PLAAT2: variants seen among roughly 807,000 people sequenced by gnomAD.
PLAAT2 encodes the protein HRAS like suppressor 2.
Under a neutral mutation model 12.8 loss-of-function variants are expected in PLAAT2, and 12 were observed. That is an observed-to-expected ratio of 0.94 (90% CI 0.60 to 1.52). The LOEUF (loss-of-function observed/expected upper bound fraction) is 1.52, where lower values mean the gene tolerates loss of function less well. PLAAT2 is among the 40% of genes most tolerant of loss of function. The pLI is 0.00. For missense variants in PLAAT2, 166 were observed against 208.1 expected (o/e 0.80, Z 1.24); for synonymous variants, 79 against 86.8 (o/e 0.91, Z 0.50).
intron 2 of PLAAT2, 140 bp downstream of exon 2, chr11:63,559,945 A>G: frequency 1.7e-6 from 1 of 587,420 alleles, no homozygotes; most frequent in Non-Finnish European, 3.0e-6. Flanking sequence ...TACATCTAGC[A>G]GGAAAAAGCA....
At chr11:63,558,919 G>T (rs566846004) in intron 2 of PLAAT2, among the ~76,000 whole-genome samples, 1 of 152,226 alleles carries the variant, frequency 6.6e-6, no homozygotes, top group South Asian at 2.1e-4. Flanking sequence ...ATACCTGAAA[G>T]AGTCAACAGT....
chr11:63,558,731 C>T (rs929563124), intron 2 of PLAAT2, 71 bp from the exon 3 acceptor site: 26 of 1,556,276 alleles, frequency 1.7e-5, no homozygotes, highest in Middle Eastern at 1.7e-4. Flanking sequence ...GCAGCCTCAT[C>T]GCCCCGAGCA....
intron 3 of PLAAT2, among the ~76,000 whole-genome samples, chr11:63,554,183 G>A (rs1459426919): frequency 1.4e-5 from 2 of 144,984 alleles, no homozygotes; most frequent in Admixed American, 1.4e-4. Flanking sequence ...GGGTGGGGGT[G>A]AAAACTGTGA....
rs1003720076 is a variant in PLAAT2, at chr11:63,552,866, A to G, written c.*98T>C. On this transcript the variant is annotated 3_prime_UTR_variant, in exon 4 of 4. Transcript: ENST00000255695. ...AACTCCATTAAAATAAAGATTCATG[A>G]ACACAAAACAGTAAAATCAGTAAAC... 35 of 759,110 alleles carry G rather than the reference A, an allele frequency of 4.6e-5. No individual in the cohort carries two copies. The highest frequency in any genetic ancestry group is 7.0e-5 in the Admixed American group (3 of 43,078). The allele number at this position is 759,110 out of a possible 1,614,324, so 47.0% of individuals were successfully genotyped here. A position where few individuals can be genotyped will look rare whatever the true frequency, so the allele number is the denominator to read the frequency against.
chr11:63,558,293 G>T, intron 3 of PLAAT2, 99 bp downstream of exon 3: 1 of 1,348,646 alleles, frequency 7.4e-7, no homozygotes, highest in Non-Finnish European at 1.0e-6. Context: ...TCTTGCTCAT[G>T]TCTATTTCCA....
chr11:63,563,715 C>CAAAAAAAAAA (rs35852892), upstream of PLAAT2, among the ~76,000 whole-genome samples: 2 of 56,112 alleles, frequency 3.6e-5, no homozygotes, highest in African/African-American at 6.1e-5. Context: ...GAGACTCAGT[C>CAAAAAAAAAA]AAAAAAAAAA....
upstream of PLAAT2, among the ~76,000 whole-genome samples, chr11:63,563,538 G>A (rs2017537316): frequency 6.6e-6 from 1 of 151,916 alleles, no homozygotes; most frequent in African/African-American, 2.4e-5. Context: ...CTAACACGGT[G>A]AAACCCCGTC....
At chr11:63,557,732 C>A (rs2017478498) in intron 3 of PLAAT2, among the ~76,000 whole-genome samples, 2 of 152,170 alleles carry the variant, frequency 1.3e-5, no homozygotes, top group Non-Finnish European at 2.9e-5. Flanking sequence ...ACAGAGAACA[C>A]CTGGCCCATA....
chr11:63,560,183 C>A lies in PLAAT2; in HGVS notation c.20G>T (p.Arg7Ile), dbSNP rs1207067324. 1 of 1,613,338 alleles carries A rather than the reference C, an allele frequency of 6.2e-7. No individual in the cohort carries two copies. Among genetic ancestry groups the A allele is most frequent in the South Asian group, 1.1e-5 (1 of 90,914 alleles). ...CTCAATCAGGTCTCCAAGTCTCGGT[C>A]TTGGTCTGGCCTGCAACAGAAAAAC... MALARP[R>I]PRLGDLIEIS... The change falls in exon 2 of 4, where the codon AGA becomes ATA. Residue 7 changes from arginine to isoleucine, a missense_variant. Transcript: ENST00000255695.
chr11:63,563,410 G>A, upstream of PLAAT2: 1 of 1,555,664 alleles, frequency 6.4e-7, no homozygotes, highest in Non-Finnish European at 8.9e-7. Flanking sequence ...CTGTGACCCA[G>A]CCCATATACA....
intron 2 of PLAAT2, 60 bp from the exon 3 acceptor site, chr11:63,558,720 A>C (rs2017491899): frequency 6.3e-7 from 1 of 1,587,158 alleles, no homozygotes; most frequent in Non-Finnish European, 8.6e-7. Context: ...CTGGAAGCCA[A>C]GCAGCCTCAT....
At chr11:63,554,890 A>G (rs956002588) in intron 3 of PLAAT2, among the ~76,000 whole-genome samples, 1 of 152,220 alleles carries the variant, frequency 6.6e-6, no homozygotes, top group Non-Finnish European at 1.5e-5. Context: ...GTCAAAGACA[A>G]ACAAAGCCAG....
At chr11:63,563,198 G>T in intron 1 of PLAAT2, 118 bp downstream of exon 1, 2 of 1,177,800 alleles carry the variant, frequency 1.7e-6, no homozygotes, top group Non-Finnish European at 2.5e-6. Flanking sequence ...CCAGAACTCA[G>T]CATGTGCCCA....
In PLAAT2 at chr11:63,558,539, G is replaced by A. The variant is rs560933449; in HGVS notation, c.240C>T (p.His80=). 1,084 of 1,614,190 alleles carry A rather than the reference G, an allele frequency of 6.7e-4. 21 individuals carry two copies. In the South Asian group the frequency reaches 0.011, roughly 17 times the overall value. Residue 80 remains histidine (H), a synonymous_variant, in exon 3 of 4, where the codon CAC becomes CAT. Coordinates refer to ENST00000255695, the MANE Select transcript of PLAAT2 (RefSeq NM_017878.2). The part of the protein sequence containing the change: ...GGDNYRVNNK[H]DDRYTPLPSN... ...AAGGCAGTGGTGTGTATCTGTCATC[G>A]TGCTTGTTATTGACCCTGTAGTTGT...
chr11:63,558,615 G>A lies in PLAAT2; in HGVS notation c.164C>T (p.Thr55Ile). 1 of 1,614,230 alleles carries A rather than the reference G, an allele frequency of 6.2e-7. No individual in the cohort carries two copies. Among genetic ancestry groups the A allele is most frequent in the Non-Finnish European group, 8.5e-7 (1 of 1,180,046 alleles). The change falls in exon 3 of 4, where the codon ACC (threonine) becomes ATC (isoleucine). Residue 55 changes from threonine (T) to isoleucine (I), a missense_variant. Physicochemically the swap from Thr to Ile is moderately conservative, Grantham distance 89. Transcript: ENST00000255695. ...AGAASVLSAL[T>I]NKAIVKKELL... ...TTCCTTCTTCACTATGGCTTTGTTGGTCAGGGCAGACAGGACACTGGCCGC... is the reference window on the plus strand; with the variant it reads ...TTCCTTCTTCACTATGGCTTTGTTGATCAGGGCAGACAGGACACTGGCCGC...
intron 3 of PLAAT2, among the ~76,000 whole-genome samples, chr11:63,555,365 T>TA (rs1317341913): frequency 6.6e-6 from 1 of 152,242 alleles, no homozygotes; most frequent in Non-Finnish European, 1.5e-5. Context: ...TACACATTTT[T>TA]AAAATACAGT....
intron 1 of PLAAT2, among the ~76,000 whole-genome samples, chr11:63,561,773 T>C (rs1261955520): frequency 6.7e-6 from 1 of 149,726 alleles, no homozygotes; most frequent in Admixed American, 6.7e-5. Flanking sequence ...TACCACATGT[T>C]CCCCCCCAGA....
Position 63,560,213 on chromosome 11 carries a change from A to G in PLAAT2, c.10-20T>C. On this transcript the variant is annotated intron_variant, in intron 1 of 3. Coordinates refer to ENST00000255695, the MANE Select transcript of PLAAT2 (RefSeq NM_017878.2). Reference sequence around the variant, plus strand: ...TCTGGCCTGCAACAGAAAAACCAGAAACAGGCAGAGGTGAGCCATCTGCAG... The same window carrying G: ...TCTGGCCTGCAACAGAAAAACCAGAGACAGGCAGAGGTGAGCCATCTGCAG... The G allele has an allele frequency of 6.3e-7, 1 of 1,595,088 alleles. No individual in the cohort carries two copies. Among genetic ancestry groups the G allele is most frequent in the Non-Finnish European group, 8.6e-7 (1 of 1,163,918 alleles).
At chr11:63,556,356 C>T (rs1301763955) in intron 3 of PLAAT2, among the ~76,000 whole-genome samples, 1 of 152,176 alleles carries the variant, frequency 6.6e-6, no homozygotes, top group African/African-American at 2.4e-5. Context: ...GTTCTGACCC[C>T]TCAGAAGCAT....
Sources: allele counts gnomAD v4.1 joint callset (sites outside exome capture counted in the v4.1 genomes callset), GRCh38; gene constraint gnomAD v4.1.1; transcripts MANE v1.5; gene names NCBI Gene and HGNC (gene_info 2026-07-23, HGNC 2026-07-21).